Variants in FAS observed in about 807,000 individuals in gnomAD.
FAS encodes the protein Fas cell surface death receptor, also known as tumor necrosis factor receptor superfamily member 6.
Under a neutral mutation model 33.2 loss-of-function variants are expected in FAS, and 5 were observed. The ratio of observed to expected loss-of-function variants is 0.15; its 90% CI spans 0.08 to 0.32. FAS has a LOEUF of 0.32. FAS is among the 10% of genes least tolerant of loss of function. FAS has a pLI of 1.00. For synonymous variants in FAS, 131 were observed against 130.7 expected, an observed-to-expected ratio of 1.00 and a Z score of -0.01; for missense variants, 339 against 386.0, an observed-to-expected ratio of 0.88 and a Z score of 1.02.
In FAS at chr10:89,015,153, G is replaced by A. The variant is rs1848737495; in HGVS notation, c.*703G>A. The stretch of plus-strand genomic sequence containing the variant: ...TCAAAACTACCTACTTCTTTCTCAG[G>A]CATCAAAAGCATTTTGAGCAGGAGA... On this transcript the variant is annotated 3_prime_UTR_variant, in exon 9 of 9. Transcript: ENST00000652046. 1 of 534,682 alleles carries A rather than the reference G, an allele frequency of 1.9e-6. No individual in the cohort carries two copies. Among genetic ancestry groups the A allele is most frequent in the East Asian group, 3.9e-5 (1 of 25,756 alleles). 33.1% of individuals were successfully genotyped at this position (534,682 alleles called of 1,614,324 possible).
chr10:88,988,443 T>TTTTTTTTTTTTTTTTTTTTTTTTTTTTTA (rs1554846019), upstream of FAS, among the ~76,000 whole-genome samples: 2 of 142,370 alleles, frequency 1.4e-5, no homozygotes, highest in African/African-American at 2.6e-5. Flanking sequence ...TTTTGTTTTT[T>TTTTTTTTTTTTTTTTTTTTTTTTTTTTTA]ATCTTAACTC....
At chr10:89,013,821 T>C (rs552011441) in intron 8 of FAS, among the ~76,000 whole-genome samples, 14 of 152,354 alleles carry the variant, frequency 9.2e-5, no homozygotes, top group African/African-American at 3.1e-4. Flanking sequence ...GATCATTGGA[T>C]CCATAAGAGA....
At chr10:88,999,178 A>AAAAT (rs1847789428) in intron 1 of FAS, among the ~76,000 whole-genome samples, 1 of 104,500 alleles carries the variant, frequency 9.6e-6, no homozygotes, top group Non-Finnish European at 2.2e-5. Context: ...TAAATAAAAT[A>AAAAT]AAATAAAATA....
In FAS at chr10:89,010,523, G is replaced by A. The variant is rs1439896150; in HGVS notation, c.444-16G>A. The A allele has an allele frequency of 6.2e-7, 1 of 1,608,812 alleles. No individual in the cohort carries two copies. Among genetic ancestry groups the A allele is most frequent in the Non-Finnish European group, 8.5e-7 (1 of 1,175,570 alleles). ...TCTGCCAGGCTTTTGAATTTCTCCT[G>A]TATTTTTTTTTCTAGATGTGAACAT... On this transcript the variant is annotated splice_polypyrimidine_tract_variant and intron_variant, in intron 4 of 8. Transcript: ENST00000652046.
At position 88,990,867 on chromosome 10, in the gene FAS, C is replaced by T. The variant is rs200181814; in HGVS notation, c.-10C>T. 6.2e-7 allele frequency: 1 copy of T among 1,614,122 alleles called. No individual in the cohort carries two copies. The highest frequency in any genetic ancestry group is 1.3e-5 in the African/African-American group (1 of 74,954). ...GAAGCTCTTTCACTTCGGAGGATTG[C>T]TCAACAACCATGCTGGGCATCTGGA... On this transcript the variant is annotated 5_prime_UTR_variant, in exon 1 of 9. Coordinates refer to ENST00000652046, the MANE Select transcript of FAS (RefSeq NM_000043.6). The surrounding 1 kb of genome is among the most constrained non-coding windows in gnomAD (Gnocchi z 4.9).
upstream of FAS, among the ~76,000 whole-genome samples, chr10:88,983,688 A>G (rs1846782965): frequency 6.6e-6 from 1 of 150,510 alleles, no homozygotes; most frequent in Admixed American, 6.6e-5. Flanking sequence ...TATAAGCATT[A>G]GATATTACTG....
upstream of FAS, among the ~76,000 whole-genome samples, chr10:88,988,958 G>A (rs534729637): frequency 2.7e-4 from 41 of 152,278 alleles, no homozygotes; most frequent in African/African-American, 8.7e-4. Flanking sequence ...TTGAACTTGA[G>A]GATAATTAGA....
At chr10:88,991,087 C>G in intron 1 of FAS, 181 bp downstream of exon 1, 1 of 734,604 alleles carries the variant, frequency 1.4e-6, no homozygotes, top group East Asian at 2.7e-5. Flanking sequence ...AGGACCTTCC[C>G]TCAGGCCCGG....
intron 1 of FAS, among the ~76,000 whole-genome samples, chr10:88,999,956 A>T (rs560756570): frequency 6.6e-6 from 1 of 152,338 alleles, no homozygotes; most frequent in Admixed American, 6.5e-5. Context: ...GATTTGTATA[A>T]CTGAGCTTTC....
At chr10:89,001,166 T>A (rs1227723231) in intron 1 of FAS, among the ~76,000 whole-genome samples, 7 of 152,206 alleles carry the variant, frequency 4.6e-5, no homozygotes, top group Non-Finnish European at 2.9e-5. Context: ...TGCAGTGTGA[T>A]GCTGTGCTCA....
At chr10:88,987,508 T>C (rs150023236), upstream of FAS, among the ~76,000 whole-genome samples, 1,558 of 152,354 alleles carry the variant, frequency 0.01, 17 homozygotes, top group Non-Finnish European at 0.017. Flanking sequence ...ATGAGTTGAC[T>C]GTTTTCAGCT....
At position 89,016,134 on chromosome 10, in the gene FAS, G is replaced by C. The variant is rs1848797564; in HGVS notation, c.*1684G>C. The C allele has an allele frequency of 4.5e-6, 1 of 221,090 alleles. No individual in the cohort carries two copies. The highest frequency in any genetic ancestry group is 2.2e-5 in the African/African-American group (1 of 44,648). 13.7% of individuals were successfully genotyped at this position (221,090 alleles called of 1,614,324 possible). A position where few individuals can be genotyped will look rare whatever the true frequency, so the allele number is the denominator to read the frequency against. On this transcript the variant is annotated 3_prime_UTR_variant, in exon 9 of 9. Coordinates refer to ENST00000652046, the MANE Select transcript of FAS (RefSeq NM_000043.6). ...ATATTATCCATTCTAGCTACATGCT[G>C]GCCAGTGGGCCACCTTTCTTTTCTG...
upstream of FAS, among the ~76,000 whole-genome samples, chr10:88,987,938 G>C (rs185539396): frequency 3.3e-5 from 5 of 151,664 alleles, no homozygotes; most frequent in African/African-American, 1.2e-4. Context: ...TTAGTTGAAG[G>C]CCTTAAAAAA....
intron 1 of FAS, among the ~76,000 whole-genome samples, chr10:88,998,587 G>A (rs1463648758): frequency 6.6e-6 from 1 of 152,126 alleles, no homozygotes; most frequent in Non-Finnish European, 1.5e-5. Context: ...GGAAGTTAGG[G>A]TATCAGTATC....
At chr10:88,972,623 A>G (rs1276906118) in intron 1 of FAS, among the ~76,000 whole-genome samples, 1 of 152,070 alleles carries the variant, frequency 6.6e-6, no homozygotes, top group East Asian at 1.9e-4. Flanking sequence ...ATTTTTACAA[A>G]GTTGCTCTAG....
upstream of FAS, chr10:88,990,483 T>G: frequency 1.8e-6 from 1 of 552,392 alleles, no homozygotes; most frequent in Non-Finnish European, 3.5e-6. The surrounding 1 kb of genome is among the most constrained non-coding windows in gnomAD (Gnocchi z 4.9). Context: ...GGAATGCCCA[T>G]TTGTGCAACG....
At chr10:88,981,022 G>C (rs995619563) in intron 2 of FAS, among the ~76,000 whole-genome samples, 7 of 152,176 alleles carry the variant, frequency 4.6e-5, no homozygotes, top group African/African-American at 1.4e-4. Flanking sequence ...GGTCCTTCCA[G>C]AGGGGATGTT....
At position 89,015,651 on chromosome 10, in the gene FAS, G is replaced by A. The variant is rs1848772812; in HGVS notation, c.*1201G>A. 2.0e-6 allele frequency: 1 copy of A among 497,646 alleles called. No individual in the cohort carries two copies. Among genetic ancestry groups the A allele is most frequent in the Non-Finnish European group, 3.8e-6 (1 of 260,322 alleles). 30.8% of individuals were successfully genotyped at this position (497,646 alleles called of 1,614,324 possible). On this transcript the variant is annotated 3_prime_UTR_variant, in exon 9 of 9. Coordinates refer to ENST00000652046, the MANE Select transcript of FAS (RefSeq NM_000043.6). ...ATTTATATTTCTGTAAATGTAAACT[G>A]TGAAGATAGTTATAAACTGAAGCAG...
chr10:89,001,448 C>T (rs1421528164), intron 1 of FAS, among the ~76,000 whole-genome samples: 1 of 151,542 alleles, frequency 6.6e-6, no homozygotes, highest in East Asian at 1.9e-4. Flanking sequence ...CTGGAATAAG[C>T]CTGAATGGGG....
Sources: gnomAD v4.1 joint callset for allele counts (sites outside exome capture counted in the v4.1 genomes callset) on GRCh38, gnomAD v4.1.1 for gene constraint, Gnocchi (gnomAD v3.1) non-coding constraint, MANE v1.5 for transcripts, NCBI Gene and HGNC (gene_info 2026-07-23, HGNC 2026-07-21) for gene names.